The following RAPGEF1 variants were observed in gnomAD, a reference collection of about 807,000 sequenced individuals.
RAPGEF1 encodes CRK SH3-binding GNRP.
A neutral mutation model predicts 143.3 loss-of-function variants in RAPGEF1; 33 were observed. The observed-to-expected ratio is 0.23, with a 90% CI of 0.17 to 0.31. RAPGEF1 has a LOEUF of 0.31. Ranked by LOEUF, RAPGEF1 falls within the 10% of genes least tolerant of loss-of-function variation. The pLI is 1.00. For missense variants in RAPGEF1, 1,199 were observed against 1,645.4 expected, an observed-to-expected ratio of 0.73 and a Z score of 4.69; for synonymous variants, 629 against 676.5, an observed-to-expected ratio of 0.93 and a Z score of 1.09.
Position 131,584,646 on chromosome 9 carries a change from G to A in RAPGEF1, c.3234-50C>T. On this transcript the variant is annotated intron_variant, in intron 22 of 26. Coordinates refer to ENST00000683357, the MANE Select transcript of RAPGEF1 (RefSeq NM_001377935.1). This position sits in a 1 kb window ranked among gnomAD's most constrained non-coding sequence, Gnocchi z 6.8. The stretch of plus-strand genomic sequence containing the variant: ...ACAGCTGAGTTGACAAGTCCCTGCA[G>A]GTCCCAGGGGTCCTGGTGGAGACAG... 6.3e-7 allele frequency: 1 copy of A among 1,581,360 alleles called. No homozygotes were observed. Among genetic ancestry groups the A allele is most frequent in the African/African-American group, 1.3e-5 (1 of 74,290 alleles).
At chr9:131,588,121 CCT>C in intron 20 of RAPGEF1, 95 bp from the exon 21 acceptor site, 2 of 1,075,194 alleles carry the variant, frequency 1.9e-6, no homozygotes, top group Admixed American at 4.0e-5. Context: ...AGCAGGAGAG[CCT>C]CTCTGCCCAG....
intron 12 of RAPGEF1, among the ~76,000 whole-genome samples, chr9:131,612,703 G>A (rs1958224993): frequency 6.6e-6 from 1 of 152,206 alleles, no homozygotes; most frequent in African/African-American, 2.4e-5. Flanking sequence ...AGGTCAAGCT[G>A]AGTGGGATCT....
intron 1 of RAPGEF1, among the ~76,000 whole-genome samples, chr9:131,692,520 T>G (rs1006441392): frequency 6.6e-6 from 1 of 152,200 alleles, no homozygotes; most frequent in African/African-American, 2.4e-5. Context: ...ACAGGTCTCA[T>G]ACCTGATATG....
intron 1 of RAPGEF1, among the ~76,000 whole-genome samples, chr9:131,684,157 C>G (rs1280958758): frequency 1.3e-5 from 2 of 152,240 alleles, no homozygotes; most frequent in Non-Finnish European, 2.9e-5. Flanking sequence ...TCATCTTTTA[C>G]AGGAGGAGTT....
At chr9:131,734,809 TTC>T (rs1403041743) in intron 1 of RAPGEF1, among the ~76,000 whole-genome samples, 2 of 152,208 alleles carry the variant, frequency 1.3e-5, no homozygotes, top group Non-Finnish European at 2.9e-5. Flanking sequence ...CATTATAAAT[TTC>T]TTTTCGATTT....
intron 1 of RAPGEF1, among the ~76,000 whole-genome samples, chr9:131,714,099 C>T (rs1429870872): frequency 6.6e-6 from 1 of 151,890 alleles, no homozygotes; most frequent in Non-Finnish European, 1.5e-5. Flanking sequence ...CCCAGGTGGC[C>T]TCAAACTCCT....
chr9:131,592,082 C>A lies in RAPGEF1; in HGVS notation c.2774+17G>T. The A allele has an allele frequency of 6.3e-7, 1 of 1,587,550 alleles. No individual in the cohort carries two copies. Among genetic ancestry groups the A allele is most frequent in the South Asian group, 1.1e-5 (1 of 90,454 alleles). ...TGCCCATGGTGCAGGGGCCCTGGGT[C>A]AGGAAGGAAAGGATATCTGTACTGC... On this transcript the variant is annotated intron_variant, in intron 18 of 26. Coordinates refer to ENST00000683357, the MANE Select transcript of RAPGEF1 (RefSeq NM_001377935.1).
chr9:131,600,458 CAGACAAGTCAGAG>C (rs1049236002), intron 15 of RAPGEF1, among the ~76,000 whole-genome samples: 3 of 152,160 alleles, frequency 2.0e-5, no homozygotes, highest in South Asian at 2.1e-4. Flanking sequence ...TCAGTCTGGG[CAGACAAGTCAGAG>C]AGACAAGTCA....
At chr9:131,694,698 C>G (rs1214209281) in intron 1 of RAPGEF1, among the ~76,000 whole-genome samples, 1 of 151,934 alleles carries the variant, frequency 6.6e-6, no homozygotes, top group Non-Finnish European at 1.5e-5. Context: ...GAGGCCACCC[C>G]GGACACTCTC....
chr9:131,595,685 C>T (rs1055545006), intron 17 of RAPGEF1, among the ~76,000 whole-genome samples: 1 of 40,600 alleles, frequency 2.5e-5, no homozygotes, highest in African/African-American at 1.8e-4. Flanking sequence ...CAGAGCATGA[C>T]TGGGAATGAC....
At position 131,663,007 on chromosome 9, in the gene RAPGEF1, G is replaced by T. The variant is rs569269464; in HGVS notation, c.62-12058C>A. On this transcript the variant is annotated intron_variant, in intron 1 of 26. Transcript: ENST00000683357. ...CTGGAAAAAAAAAATCAAATCTACT[G>T]ATGTGCTGAAAGAATATTATGAAGC... 2.6e-5 allele frequency among the ~76,000 whole-genome samples: 4 copies of T among 152,112 alleles called. 1 individual carries two copies. The South Asian group carries it at 8.3e-4, about 32-fold the overall frequency.
chr9:131,651,697 C>T (rs1265726204), intron 1 of RAPGEF1, among the ~76,000 whole-genome samples: 1 of 152,188 alleles, frequency 6.6e-6, no homozygotes, highest in African/African-American at 2.4e-5. Flanking sequence ...ACAAATACTA[C>T]TACTAAGAAA....
Position 131,621,895 on chromosome 9 carries a change from G to C in RAPGEF1, c.1806C>G (p.Leu602=). 1 of 1,613,650 alleles carries C rather than the reference G, an allele frequency of 6.2e-7. No individual in the cohort carries two copies. The highest frequency in any genetic ancestry group is 8.5e-7 in the Non-Finnish European group (1 of 1,179,760). The change falls in exon 11 of 27, where the codon CTC becomes CTG. Residue 602 remains leucine (L), a synonymous_variant. Transcript: ENST00000683357. The surrounding 1 kb of genome is among the most constrained non-coding windows in gnomAD (Gnocchi z 4.5). The part of the protein sequence containing the change: ...NEHIYQQKNK[L]LMEVYGFSDS... ...CGCTGAAGCCGTATACCTCCATGAG[G>C]AGCTTGTTCTTCTGCTGGTAGATGT...
intron 12 of RAPGEF1, among the ~76,000 whole-genome samples, chr9:131,615,248 G>C (rs1276977425): frequency 1.3e-5 from 2 of 152,052 alleles, no homozygotes; most frequent in Admixed American, 6.6e-5. Context: ...AATTTTTTTT[G>C]TATTTTCAGT....
At chr9:131,718,816 A>G (rs886992809) in intron 1 of RAPGEF1, among the ~76,000 whole-genome samples, 2 of 152,186 alleles carry the variant, frequency 1.3e-5, no homozygotes, top group East Asian at 3.9e-4. Context: ...ACCAGTGTTT[A>G]GCTAGCTGGC....
At chr9:131,605,680 G>A (rs558003422) in intron 12 of RAPGEF1, among the ~76,000 whole-genome samples, 34 of 152,212 alleles carry the variant, frequency 2.2e-4, no homozygotes, top group South Asian at 1.7e-3. Flanking sequence ...AACCTTAAGC[G>A]TGGCTGGCAA....
Position 131,579,537 on chromosome 9 carries a change from T to G in RAPGEF1, c.3752A>C (p.Asn1251Thr). Residue 1251 changes from asparagine to threonine, a missense_variant, in exon 27 of 27, where the codon AAC (asparagine) becomes ACC (threonine). Physicochemically the swap from Asn to Thr is moderately conservative, Grantham distance 65. Around this residue, in one of 6 missense-constraint regions of RAPGEF1, gnomAD observed 67 missense variants for 105.4 expected, o/e 0.64. Transcript: ENST00000683357. Reference sequence around the variant, plus strand: ...CCGGTCTGTTTTTCTCCTTGTTATGTTCCTGGGTTTAATTTTCAGAGACAG... The same window carrying G: ...CCGGTCTGTTTTTCTCCTTGTTATGGTCCTGGGTTTAATTTTCAGAGACAG... ...WELSLKIKPR[N>T]ITRRKTDREE... is the part of the protein sequence containing the mutation. 1 of 1,614,028 alleles carries G rather than the reference T, an allele frequency of 6.2e-7. No individual in the cohort carries two copies. The highest frequency in any genetic ancestry group is 8.5e-7 in the Non-Finnish European group (1 of 1,179,880).
At chr9:131,701,965 C>T (rs1933621097) in intron 1 of RAPGEF1, among the ~76,000 whole-genome samples, 1 of 152,196 alleles carries the variant, frequency 6.6e-6, no homozygotes, top group Non-Finnish European at 1.5e-5. Context: ...CCAATATGGC[C>T]TCTAACCTCA....
Position 131,637,084 on chromosome 9 carries a change from G to A in RAPGEF1, c.651+1551C>T, listed in dbSNP as rs181844079. Among the ~76,000 whole-genome samples the A allele has an allele frequency of 6.9e-3, 1,053 of 152,234 alleles. 13 individuals are homozygous for A. The highest frequency in any genetic ancestry group is 0.031 in the Middle Eastern group (9 of 294). On this transcript the variant is annotated intron_variant, in intron 5 of 26. Coordinates refer to ENST00000683357, the MANE Select transcript of RAPGEF1 (RefSeq NM_001377935.1). ...CTACTAAAAATATAAAATTAGCTGGGTGTGGTGGCTCACACCTGTAATCCC... is the reference window on the plus strand; with the variant it reads ...CTACTAAAAATATAAAATTAGCTGGATGTGGTGGCTCACACCTGTAATCCC...
Sources: gnomAD v4.1 joint callset for allele counts (sites outside exome capture counted in the v4.1 genomes callset) on GRCh38, gnomAD v4.1.1 for gene constraint, gnomAD v4.1.1 regional missense constraint, Gnocchi (gnomAD v3.1) non-coding constraint, MANE v1.5 for transcripts, NCBI Gene and HGNC (gene_info 2026-07-23, HGNC 2026-07-21) for gene names.